The following ZMYM4 variants were observed in gnomAD, a reference collection of about 807,000 sequenced individuals.
ZMYM4 encodes the protein zinc finger MYM-type protein 4.
ZMYM4 carries 31 observed loss-of-function variants against 183.2 expected under a neutral mutation model. The ratio of observed to expected loss-of-function variants is 0.17; its 90% CI spans 0.13 to 0.23. ZMYM4 has a LOEUF of 0.23. Among genes scored for constraint, ZMYM4 ranks in the 10% least tolerant of loss-of-function variants. The pLI, the probability that ZMYM4 is intolerant of heterozygous loss-of-function variation, is 1.00. For synonymous variants in ZMYM4, 592 were observed against 631.2 expected (o/e 0.94, Z 0.93); for missense variants, 1,273 against 1,840.3 (o/e 0.69, Z 5.64).
chr1:35,351,196 T>C, intron 2 of ZMYM4: 1 of 1,362,644 alleles, frequency 7.3e-7, no homozygotes, highest in South Asian at 1.2e-5. Flanking sequence ...AATAAAGTTT[T>C]GGGTACCCTG....
chr1:35,337,277 G>T (rs922645590), intron 2 of ZMYM4, among the ~76,000 whole-genome samples: 3 of 152,032 alleles, frequency 2.0e-5, no homozygotes, highest in African/African-American at 4.8e-5. Flanking sequence ...CAGGGGAATC[G>T]CTTGAACCTG....
At chr1:35,411,614 G>T (rs962998757) in intron 26 of ZMYM4, among the ~76,000 whole-genome samples, 16 of 152,152 alleles carry the variant, frequency 1.1e-4, no homozygotes, top group Non-Finnish European at 7.4e-5. Flanking sequence ...TTTAGAATGG[G>T]TTTTTCCATT....
At position 35,327,598 on chromosome 1, in the gene ZMYM4, T is replaced by C. The variant is rs1353492827; in HGVS notation, c.85+2193T>C. On this transcript the variant is annotated intron_variant, in intron 2 of 29. Coordinates refer to ENST00000314607, the MANE Select transcript of ZMYM4 (RefSeq NM_005095.3). ...TGAGAGGTAACTATATCTCCTGATC[T>C]TCAGTGGATTTAGTTATTGTGTGTC... 2.0e-5 allele frequency among the ~76,000 whole-genome samples: 3 copies of C among 152,244 alleles called. No homozygotes were observed. The South Asian group carries it at 6.2e-4, about 32-fold the overall frequency.
intron 2 of ZMYM4, among the ~76,000 whole-genome samples, chr1:35,337,361 C>CAT (rs1207612155): frequency 6.6e-6 from 1 of 152,202 alleles, no homozygotes. Flanking sequence ...GACTCCAACT[C>CAT]ATATATATAT....
intron 15 of ZMYM4, among the ~76,000 whole-genome samples, 179 bp from the exon 16 acceptor site, chr1:35,392,031 ACT>A (rs1267746448): frequency 6.6e-6 from 1 of 151,498 alleles, no homozygotes; most frequent in African/African-American, 2.4e-5. Context: ...GCAGAGTGAG[ACT>A]CTGTCTCAAA....
In ZMYM4 at chr1:35,353,052, G is replaced by A. The variant is rs140028046; in HGVS notation, c.86-5873G>A. On this transcript the variant is annotated intron_variant, in intron 2 of 29. Coordinates refer to ENST00000314607, the MANE Select transcript of ZMYM4 (RefSeq NM_005095.3). ...AATTATTCATTCTCCCTCTTTCAGT[G>A]TGGTCCTCCCTTAGTGTTCCTATCT... is the stretch of plus-strand genomic sequence containing the variant. 8.5e-5 allele frequency among the ~76,000 whole-genome samples: 13 copies of A among 152,258 alleles called. 2 individuals carry two copies. The highest frequency in any genetic ancestry group is 2.6e-4 in the African/African-American group (11 of 41,546).
chr1:35,362,260 A>G (rs1643955308), intron 5 of ZMYM4, among the ~76,000 whole-genome samples: 1 of 152,210 alleles, frequency 6.6e-6, no homozygotes, highest in Non-Finnish European at 1.5e-5. Flanking sequence ...GGATTAGTGG[A>G]TAGAAGGTAA....
At chr1:35,410,789 C>T (rs1159570465) in intron 26 of ZMYM4, among the ~76,000 whole-genome samples, 8 of 151,844 alleles carry the variant, frequency 5.3e-5, no homozygotes, top group African/African-American at 1.9e-4. Flanking sequence ...TGTGCCCGGC[C>T]AAATTTTTTT....
chr1:35,373,456 C>T (rs1231712755), intron 7 of ZMYM4, among the ~76,000 whole-genome samples: 1 of 150,214 alleles, frequency 6.7e-6, no homozygotes, highest in Non-Finnish European at 1.5e-5. Context: ...CGGCTCACTG[C>T]AAGCTCCGCC....
At position 35,304,832 on chromosome 1, in the gene ZMYM4, C is replaced by T. The variant is rs547826191; in HGVS notation, c.40-20528C>T. ...TCCAGCATATAGTGTATCTTGGTGC[C>T]TCCACAAGTAAACTTTATTTTTTAT... On this transcript the variant is annotated intron_variant, in intron 1 of 29. Coordinates refer to ENST00000314607, the MANE Select transcript of ZMYM4 (RefSeq NM_005095.3). Among the ~76,000 whole-genome samples the T allele has an allele frequency of 1.5e-3, 176 of 119,776 alleles. 1 individual carries two copies. The highest frequency in any genetic ancestry group is 5.6e-3 in the African/African-American group (171 of 30,768). 78.6% of individuals were successfully genotyped at this position (119,776 alleles called of 152,430 possible). A position where few individuals can be genotyped will look rare whatever the true frequency, so the allele number is the denominator to read the frequency against.
rs1024763057 is a variant in ZMYM4, at chr1:35,420,428, A to G, written c.*751A>G. ...TGCACACAGAAAATCTGTGGAGCCT[A>G]TCAGACCCCAAGTGTCTTGAAATGT... is the stretch of plus-strand genomic sequence containing the variant. On this transcript the variant is annotated 3_prime_UTR_variant, in exon 30 of 30. Transcript: ENST00000314607. 3 of 152,562 alleles carry G rather than the reference A, an allele frequency of 2.0e-5. No homozygotes were observed. Among genetic ancestry groups the G allele is most frequent in the African/African-American group, 4.8e-5 (2 of 41,582 alleles). The allele number at this position is 152,562 out of a possible 1,614,324, so 9.5% of individuals were successfully genotyped here.
At chr1:35,384,841 C>CTTTTTTTTTTTT (rs748891728) in intron 9 of ZMYM4, among the ~76,000 whole-genome samples, 1 of 127,414 alleles carries the variant, frequency 7.8e-6, no homozygotes, top group Non-Finnish European at 1.6e-5. Context: ...TTTTCTTTTT[C>CTTTTTTTTTTTT]TTTTTTTTTT....
At chr1:35,295,092 A>G (rs540048943) in intron 1 of ZMYM4, among the ~76,000 whole-genome samples, 3 of 152,354 alleles carry the variant, frequency 2.0e-5, no homozygotes, top group East Asian at 3.9e-4. Context: ...TCTCTGCTCT[A>G]TGGAGTTTAC....
chr1:35,366,474 A>G (rs1162379920), intron 5 of ZMYM4, among the ~76,000 whole-genome samples: 1 of 152,226 alleles, frequency 6.6e-6, no homozygotes, highest in Non-Finnish European at 1.5e-5. Flanking sequence ...AAAGGGAAAT[A>G]AAATTATCAC....
intron 2 of ZMYM4, among the ~76,000 whole-genome samples, chr1:35,336,296 G>T (rs1013631380): frequency 6.6e-6 from 1 of 151,940 alleles, no homozygotes; most frequent in Non-Finnish European, 1.5e-5. Flanking sequence ...AGGTAAAAAT[G>T]ATACTTTAGT....
rs369749643 is a variant in ZMYM4 at position 35,369,988 on chromosome 1, T to G, written c.841-41T>G. 4.9e-5 allele frequency: 71 copies of G among 1,452,388 alleles called. No individual in the cohort carries two copies. In the African/African-American group the frequency reaches 9.1e-4, roughly 19 times the overall value. The allele number at this position is 1,452,388 out of a possible 1,614,324, so 90.0% of individuals were successfully genotyped here. On this transcript the variant is annotated intron_variant, in intron 5 of 29. Transcript: ENST00000314607. The stretch of plus-strand genomic sequence containing the variant: ...TGTCTGGATGTCTTTAGGTATTTAT[T>G]CTTTTCTCTATGTATTTATTTATTT...
chr1:35,296,407 A>G (rs988453288), intron 1 of ZMYM4, among the ~76,000 whole-genome samples: 1 of 152,238 alleles, frequency 6.6e-6, no homozygotes, highest in Non-Finnish European at 1.5e-5. Flanking sequence ...TCTGTATTAC[A>G]TGCACCTCGT....
In ZMYM4 at chr1:35,386,134, T is replaced by C; in HGVS notation, c.1781T>C (p.Met594Thr). Residue 594 changes from methionine to threonine, a missense_variant, in exon 11 of 30, where the codon ATG (methionine) becomes ACG (threonine). Transcript: ENST00000314607. ...TSAIPQYHLA[M>T]SDGSIRNFCS... is the part of the protein sequence containing the mutation. ...GCAATTCCTCAGTATCACCTAGCCA[T>C]GTCAGATGGAAGTATACGCAACTTC... 2 of 1,614,088 alleles carry C rather than the reference T, an allele frequency of 1.2e-6. No individual in the cohort carries two copies. Among genetic ancestry groups the C allele is most frequent in the Non-Finnish European group, 1.7e-6 (2 of 1,179,966 alleles).
chr1:35,403,689 C>A (rs1483175254), intron 23 of ZMYM4, among the ~76,000 whole-genome samples: 12 of 151,860 alleles, frequency 7.9e-5, no homozygotes, highest in Non-Finnish European at 1.3e-4. Context: ...GTTAATATTT[C>A]TTTTTCTTCT....
Sources: gnomAD v4.1 joint callset for allele counts (sites outside exome capture counted in the v4.1 genomes callset) on GRCh38, gnomAD v4.1.1 for gene constraint, MANE v1.5 for transcripts, NCBI Gene and HGNC (gene_info 2026-07-23, HGNC 2026-07-21) for gene names.